The following PRKG1 variants were observed in gnomAD, a reference collection of about 807,000 sequenced individuals.
PRKG1 encodes protein kinase cGMP-dependent 1, also known as cGMP-dependent protein kinase 1.
Under a neutral mutation model 88.1 loss-of-function variants are expected in PRKG1, and 35 were observed. That is an observed-to-expected ratio of 0.40 (90% CI 0.30 to 0.53). The LOEUF is 0.53. PRKG1 is among the 20% of genes least tolerant of loss of function. PRKG1 has a pLI of 0.59. For synonymous variants in PRKG1, 303 were observed against 292.5 expected (o/e 1.04, Z -0.37); for missense variants, 540 against 839.8 (o/e 0.64, Z 4.41).
intron 1 of PRKG1, among the ~76,000 whole-genome samples, chr10:51,144,007 C>T (rs1203399767): frequency 2.0e-5 from 3 of 151,790 alleles, no homozygotes; most frequent in Non-Finnish European, 4.4e-5. Flanking sequence ...GTTTTTGCTG[C>T]CTGCGATTTT....
intron 3 of PRKG1, among the ~76,000 whole-genome samples, chr10:51,470,147 A>G (rs1465714949): frequency 1.3e-5 from 2 of 151,840 alleles, no homozygotes; most frequent in Non-Finnish European, 2.9e-5. Flanking sequence ...ACTATGTAAT[A>G]TAACTCCCAA....
chr10:51,602,680 G>A (rs1838638371), intron 3 of PRKG1, among the ~76,000 whole-genome samples: 1 of 151,298 alleles, frequency 6.6e-6, no homozygotes, highest in Non-Finnish European at 1.5e-5. Flanking sequence ...CTCTCAAAGT[G>A]CTAGGATTGG....
intron 9 of PRKG1, among the ~76,000 whole-genome samples, chr10:52,171,835 G>C (rs1363005406): frequency 8.8e-6 from 1 of 113,466 alleles, no homozygotes; most frequent in African/African-American, 3.7e-5. Context: ...TCGCTCTGTC[G>C]CCCAGGTCGG....
At chr10:51,920,044 T>C (rs1842429668) in intron 5 of PRKG1, among the ~76,000 whole-genome samples, 1 of 152,042 alleles carries the variant, frequency 6.6e-6, no homozygotes, top group Non-Finnish European at 1.5e-5. Flanking sequence ...CACAACTAGA[T>C]TAAAAATGCA....
At chr10:51,016,202 T>C (rs1354847706) in intron 1 of PRKG1, among the ~76,000 whole-genome samples, 3 of 152,176 alleles carry the variant, frequency 2.0e-5, no homozygotes, top group Non-Finnish European at 4.4e-5. Context: ...TTAGAGATAA[T>C]TGACCCTGGG....
At chr10:51,889,844 C>T (rs868705587) in intron 4 of PRKG1, among the ~76,000 whole-genome samples, 17 of 152,200 alleles carry the variant, frequency 1.1e-4, no homozygotes, top group Non-Finnish European at 1.2e-4. Flanking sequence ...CTGTTGGCTG[C>T]ATAAATGTCT....
chr10:51,495,991 G>A (rs59946562), intron 3 of PRKG1, among the ~76,000 whole-genome samples: 2,616 of 152,202 alleles, frequency 0.017, 55 homozygotes, highest in African/African-American at 0.044. Flanking sequence ...TATTTTCAAG[G>A]TAGATATTAA....
At chr10:52,253,510 G>C (rs1478438820) in intron 10 of PRKG1, 11 of 55,226 alleles carry the variant, frequency 2.0e-4, no homozygotes. Context: ...TTTAATGTGG[G>C]CATATAAAAG....
intron 2 of PRKG1, among the ~76,000 whole-genome samples, chr10:51,388,974 G>A (rs897820791): frequency 1.3e-5 from 2 of 152,206 alleles, no homozygotes; most frequent in Non-Finnish European, 2.9e-5. Context: ...TTGATTCCAA[G>A]TTGCTATTGT....
intron 1 of PRKG1, among the ~76,000 whole-genome samples, chr10:51,040,638 C>T (rs1353053743): frequency 2.6e-5 from 4 of 151,762 alleles, no homozygotes; most frequent in African/African-American, 7.3e-5. Flanking sequence ...CTTTCATCAG[C>T]GTTTTTTAAT....
intron 3 of PRKG1, among the ~76,000 whole-genome samples, chr10:51,693,746 T>C (rs1393370841): frequency 6.6e-6 from 1 of 152,168 alleles, no homozygotes; most frequent in Non-Finnish European, 1.5e-5. Flanking sequence ...AAATGACATG[T>C]TATATATTGT....
intron 2 of PRKG1, chr10:51,244,992 C>A (rs759431404): frequency 1.3e-5 from 2 of 152,034 alleles, no homozygotes; most frequent in Non-Finnish European, 2.9e-5. Context: ...AGAAAGTCAG[C>A]CAAGCATAAC....
intron 2 of PRKG1, among the ~76,000 whole-genome samples, chr10:51,374,832 C>T (rs544873401): frequency 7.9e-5 from 12 of 152,192 alleles, no homozygotes; most frequent in Non-Finnish European, 1.5e-4. Context: ...TCTAAGCTCA[C>T]GTGAGTGTTG....
chr10:51,380,769 T>C (rs1837064050), intron 2 of PRKG1, among the ~76,000 whole-genome samples: 1 of 152,126 alleles, frequency 6.6e-6, no homozygotes, highest in Admixed American at 6.5e-5. Context: ...AGTTTTGTTA[T>C]TGGGAAATTG....
chr10:51,358,386 G>T (rs1291183448), intron 2 of PRKG1, among the ~76,000 whole-genome samples: 2 of 151,794 alleles, frequency 1.3e-5, no homozygotes, highest in Non-Finnish European at 1.5e-5. Context: ...TCAGGTTAGG[G>T]GATAGGAGTA....
At chr10:51,611,017 C>T (rs1340318627) in intron 3 of PRKG1, among the ~76,000 whole-genome samples, 1 of 151,444 alleles carries the variant, frequency 6.6e-6, no homozygotes. Context: ...ATGTAACAAA[C>T]CTGCACATTC....
chr10:51,276,894 T>C (rs1202368865), intron 2 of PRKG1, among the ~76,000 whole-genome samples: 1 of 152,220 alleles, frequency 6.6e-6, no homozygotes, highest in Admixed American at 6.5e-5. Flanking sequence ...ACAAAAATTT[T>C]CTCCCATTCT....
chr10:51,230,582 G>C (rs1488484547), intron 2 of PRKG1, among the ~76,000 whole-genome samples: 2 of 152,180 alleles, frequency 1.3e-5, no homozygotes, highest in African/African-American at 4.8e-5. Context: ...ATCCATGGGA[G>C]ATAGGTTCCA....
chr10:51,387,552 G>C (rs1042548392), intron 2 of PRKG1, among the ~76,000 whole-genome samples: 1 of 151,918 alleles, frequency 6.6e-6, no homozygotes, highest in Non-Finnish European at 1.5e-5. Flanking sequence ...CCAACCCAAT[G>C]ATGAACCCTT....
Sources: allele counts gnomAD v4.1 joint callset (sites outside exome capture counted in the v4.1 genomes callset), GRCh38; gene constraint gnomAD v4.1.1; transcripts MANE v1.5; gene names NCBI Gene and HGNC (gene_info 2026-07-23, HGNC 2026-07-21).